Variants in RORA observed in about 807,000 individuals in gnomAD.
RORA encodes RAR related orphan receptor A, also known as nuclear receptor ROR-alpha.
Under a neutral mutation model 69.5 loss-of-function variants are expected in RORA, and 7 were observed. The ratio of observed to expected loss-of-function variants is 0.10; its 90% CI spans 0.06 to 0.19. RORA has a LOEUF of 0.19. RORA is among the 10% of genes least tolerant of loss of function. The pLI is 1.00. For synonymous variants in RORA, 261 were observed against 240.8 expected, an observed-to-expected ratio of 1.08 and a Z score of -0.78; for missense variants, 457 against 663.0, an observed-to-expected ratio of 0.69 and a Z score of 3.41.
At chr15:61,066,317 C>G (rs140094780) in intron 1 of RORA, among the ~76,000 whole-genome samples, 275 of 149,814 alleles carry the variant, frequency 1.8e-3, no homozygotes, top group Admixed American at 4.2e-3. Context: ...TACATGTGTA[C>G]TATAAAATTT....
At chr15:60,761,354 G>T (rs774049439) in intron 1 of RORA, among the ~76,000 whole-genome samples, 3 of 151,952 alleles carry the variant, frequency 2.0e-5, no homozygotes, top group Non-Finnish European at 4.4e-5. Flanking sequence ...CACCCAGAAC[G>T]CAATGAATCA....
chr15:60,879,872 T>G (rs1359182262), intron 1 of RORA, among the ~76,000 whole-genome samples: 3 of 152,210 alleles, frequency 2.0e-5, no homozygotes, highest in Non-Finnish European at 4.4e-5. Context: ...ACCTTCCACA[T>G]CTACGTGCCA....
chr15:61,204,171 G>A (rs547542473), intron 1 of RORA, among the ~76,000 whole-genome samples: 6 of 152,306 alleles, frequency 3.9e-5, no homozygotes, highest in Non-Finnish European at 2.9e-5. Context: ...AGAAGTCAAG[G>A]ATAGCTTCTT....
intron 1 of RORA, among the ~76,000 whole-genome samples, chr15:60,754,377 C>T (rs928754084): frequency 2.6e-5 from 4 of 152,174 alleles, no homozygotes; most frequent in African/African-American, 9.7e-5. Flanking sequence ...GGGATTACTC[C>T]AGTTAGATGA....
chr15:60,808,538 T>C (rs1256380565), intron 1 of RORA, among the ~76,000 whole-genome samples: 2 of 152,120 alleles, frequency 1.3e-5, no homozygotes, highest in Non-Finnish European at 2.9e-5. Flanking sequence ...ATCTACCATT[T>C]GATCCAGCAA....
chr15:61,058,974 C>T (rs2078133781), intron 1 of RORA, among the ~76,000 whole-genome samples: 1 of 152,338 alleles, frequency 6.6e-6, no homozygotes, highest in African/African-American at 2.4e-5. Context: ...AGCATTTCCA[C>T]AGGCATGATA....
chr15:61,144,746 T>C (rs1326123104), intron 1 of RORA, among the ~76,000 whole-genome samples: 1 of 152,172 alleles, frequency 6.6e-6, no homozygotes, highest in Non-Finnish European at 1.5e-5. Context: ...CTTTCTAAAT[T>C]TGAAATACAC....
chr15:61,131,987 C>T lies in RORA; in HGVS notation c.166+97066G>A, dbSNP rs1478292955. ...ATGGAACTTATGGGTAGAATTCATG[C>T]CCCTTGGGGCATTCTCCATTGCCTC... is the stretch of plus-strand genomic sequence containing the variant. On this transcript the variant is annotated intron_variant, in intron 1 of 10. Transcript: ENST00000335670. The surrounding 1 kb of genome is among the most constrained non-coding windows in gnomAD (Gnocchi z 4.2). 2.0e-5 allele frequency among the ~76,000 whole-genome samples: 3 copies of T among 152,204 alleles called. No individual in the cohort carries two copies. Among genetic ancestry groups the T allele is most frequent in the African/African-American group, 7.2e-5 (3 of 41,458 alleles).
chr15:60,521,814 T>A (rs929353873), intron 3 of RORA, among the ~76,000 whole-genome samples: 2 of 152,216 alleles, frequency 1.3e-5, no homozygotes, highest in African/African-American at 4.8e-5. Context: ...ACAGAGTCCC[T>A]ACATATCCAC....
At position 61,061,271 on chromosome 15, in the gene RORA, T is replaced by C. The variant is rs953762275; in HGVS notation, c.166+167782A>G. Among the ~76,000 whole-genome samples the C allele has an allele frequency of 6.6e-6, 1 of 151,946 alleles. No homozygotes were observed. The highest frequency in any genetic ancestry group is 1.5e-5 in the Non-Finnish European group (1 of 67,990). ...GGGAGGCTGAGGCAGGAGAATGGCATGAGCTCGGGAGGCAGAGCTTGCAGT... is the reference window on the plus strand; with the variant it reads ...GGGAGGCTGAGGCAGGAGAATGGCACGAGCTCGGGAGGCAGAGCTTGCAGT... On this transcript the variant is annotated intron_variant, in intron 1 of 10. Transcript: ENST00000335670. The surrounding 1 kb of genome is among the most constrained non-coding windows in gnomAD (Gnocchi z 4.4).
At chr15:60,586,164 TGG>T (rs145867681) in intron 2 of RORA, among the ~76,000 whole-genome samples, 7,791 of 152,262 alleles carry the variant, frequency 0.051, 269 homozygotes, top group East Asian at 0.14. Context: ...TCACAAAGAC[TGG>T]TGGTGAGAGG....
chr15:60,958,057 C>A (rs1478337879), intron 1 of RORA, among the ~76,000 whole-genome samples: 1 of 151,304 alleles, frequency 6.6e-6, no homozygotes, highest in Non-Finnish European at 1.5e-5. Context: ...TACTTTATTT[C>A]TTCAATTGGA....
intron 4 of RORA, among the ~76,000 whole-genome samples, chr15:60,514,032 C>T (rs1437143452): frequency 6.6e-6 from 1 of 152,330 alleles, no homozygotes; most frequent in Middle Eastern, 3.4e-3. Context: ...ATGTTTTGTA[C>T]TTGAATGGTA....
intron 1 of RORA, among the ~76,000 whole-genome samples, chr15:61,084,558 T>C (rs1004788784): frequency 2.6e-5 from 4 of 152,224 alleles, no homozygotes; most frequent in African/African-American, 4.8e-5. Context: ...AATATCTCTA[T>C]GTATGTCTCT....
Position 60,506,218 on chromosome 15 carries a change from T to A in RORA, c.821-589A>T, listed in dbSNP as rs535408004. Among the ~76,000 whole-genome samples the A allele has an allele frequency of 7.9e-5, 12 of 152,082 alleles. 1 individual carries two copies. The South Asian group carries it at 2.5e-3, about 32-fold the overall frequency. ...GCTCTGCTGCTTACTAGCTGTGTGA[T>A]CTCGGGTATGTTATTTAACCTCTTT... On this transcript the variant is annotated intron_variant, in intron 5 of 10. Coordinates refer to ENST00000335670, the MANE Select transcript of RORA (RefSeq NM_134261.3).
chr15:60,634,410 T>C (rs2069798048), intron 2 of RORA, among the ~76,000 whole-genome samples: 1 of 150,908 alleles, frequency 6.6e-6, no homozygotes, highest in African/African-American at 2.5e-5. Context: ...TTTTTTTTTT[T>C]TTTTCTTTTT....
chr15:60,643,647 C>T (rs760242795), intron 2 of RORA, among the ~76,000 whole-genome samples: 2 of 152,192 alleles, frequency 1.3e-5, no homozygotes, highest in Non-Finnish European at 2.9e-5. Context: ...GAAGCTGAAC[C>T]TCCTTGGCGA....
rs200743059 is a variant in RORA at position 60,497,311 on chromosome 15, T to C, written c.*144A>G. 1.8e-5 allele frequency: 11 copies of C among 623,656 alleles called. No homozygotes were observed. Among genetic ancestry groups the C allele is most frequent in the Non-Finnish European group, 2.2e-5 (8 of 364,978 alleles). 38.6% of individuals were successfully genotyped at this position (623,656 alleles called of 1,614,324 possible). ...TATTTGTTTTCATTGTTTCCCCTCC[T>C]TTGCCTGACCCCGATCACCAAAAGA... On this transcript the variant is annotated 3_prime_UTR_variant, in exon 11 of 11. Transcript: ENST00000335670.
At chr15:61,002,091 T>C (rs968513893) in intron 1 of RORA, among the ~76,000 whole-genome samples, 1 of 152,218 alleles carries the variant, frequency 6.6e-6, no homozygotes, top group Non-Finnish European at 1.5e-5. Flanking sequence ...TTCATGTCTG[T>C]CTTTCAATAG....
Sources: gnomAD v4.1 joint callset for allele counts (sites outside exome capture counted in the v4.1 genomes callset) on GRCh38, gnomAD v4.1.1 for gene constraint, Gnocchi (gnomAD v3.1) non-coding constraint, MANE v1.5 for transcripts, NCBI Gene and HGNC (gene_info 2026-07-23, HGNC 2026-07-21) for gene names.